The following CABIN1 variants were observed in gnomAD, a reference collection of about 807,000 sequenced individuals.
The protein encoded by CABIN1 is calcineurin binding protein 1, also known as calcineurin-binding protein cabin-1.
In CABIN1, 133 loss-of-function variants were observed where a neutral mutation model predicts 227.7. That is an observed-to-expected ratio of 0.58 (90% CI 0.51 to 0.67). The LOEUF (loss-of-function observed/expected upper bound fraction) is 0.67, where lower values mean the gene tolerates loss of function less well. Among genes scored for constraint, CABIN1 ranks in the 30% least tolerant of loss-of-function variants. The pLI, the probability that CABIN1 is intolerant of heterozygous loss-of-function variation, is 0.00. For synonymous variants in CABIN1, 1,086 were observed against 1,155.1 expected, an observed-to-expected ratio of 0.94 and a Z score of 1.21; for missense variants, 2,408 against 2,852.5, an observed-to-expected ratio of 0.84 and a Z score of 3.55.
intron 30 of CABIN1, among the ~76,000 whole-genome samples, chr22:24,165,082 G>A (rs1460549412): frequency 1.3e-5 from 2 of 152,218 alleles, no homozygotes; most frequent in African/African-American, 2.4e-5. Context: ...CAGCTCAGAT[G>A]TAGATGGGCC....
intron 33 of CABIN1, 41 bp from the exon 34 acceptor site, chr22:24,171,672 C>T: frequency 6.2e-7 from 1 of 1,612,498 alleles, no homozygotes; most frequent in Non-Finnish European, 8.5e-7. Flanking sequence ...GGGCTCAGGG[C>T]TGCCTAGCCA....
chr22:24,029,069 ACT>A (rs1489159385), intron 1 of CABIN1, among the ~76,000 whole-genome samples: 1 of 151,892 alleles, frequency 6.6e-6, no homozygotes, highest in East Asian at 1.9e-4. Context: ...ATATTTAAAA[ACT>A]CAAGGCCAGG....
chr22:24,175,857 A>C (rs997955380), intron 34 of CABIN1: 1 of 580,580 alleles, frequency 1.7e-6, no homozygotes, highest in African/African-American at 1.9e-5. Flanking sequence ...CCACTGGGTC[A>C]GGTGTATAGC....
chr22:24,043,111 C>T, intron 6 of CABIN1, 27 bp downstream of exon 6: 1 of 1,609,448 alleles, frequency 6.2e-7, no homozygotes, highest in Non-Finnish European at 8.5e-7. Flanking sequence ...TGCTTTCTTC[C>T]ATGTGCCAGT....
chr22:24,050,377 C>G (rs749026131), intron 7 of CABIN1, among the ~76,000 whole-genome samples: 1 of 152,136 alleles, frequency 6.6e-6, no homozygotes, highest in Non-Finnish European at 1.5e-5. Context: ...TGAGAGGACA[C>G]GTAGGGCCTC....
At chr22:24,094,773 C>T (rs1213974629) in intron 24 of CABIN1, among the ~76,000 whole-genome samples, 7 of 146,510 alleles carry the variant, frequency 4.8e-5, no homozygotes, top group Non-Finnish European at 1.0e-4. Flanking sequence ...GCCGAGATTG[C>T]GCCACTGCAG....
chr22:24,109,057 T>C (rs569635548), intron 26 of CABIN1, among the ~76,000 whole-genome samples: 151 of 152,274 alleles, frequency 9.9e-4, no homozygotes, highest in African/African-American at 3.4e-3. Context: ...AAGTGGGTGC[T>C]TATGTTATCA....
chr22:24,118,648 C>T (rs1288489312), intron 27 of CABIN1, among the ~76,000 whole-genome samples: 3 of 152,222 alleles, frequency 2.0e-5, no homozygotes, highest in African/African-American at 4.8e-5. Flanking sequence ...TTCCATCTGT[C>T]CCACCCTCCC....
chr22:24,143,832 C>G (rs1454276538), intron 29 of CABIN1, among the ~76,000 whole-genome samples: 2 of 152,188 alleles, frequency 1.3e-5, no homozygotes, highest in African/African-American at 2.4e-5. Context: ...CCCTCTGCCC[C>G]CTGGGCCATC....
At chr22:24,158,550 T>G (rs962763052) in intron 29 of CABIN1, among the ~76,000 whole-genome samples, 2 of 152,178 alleles carry the variant, frequency 1.3e-5, no homozygotes, top group Non-Finnish European at 2.9e-5. Context: ...GGATTAAAAT[T>G]ACCCACTTTC....
intron 8 of CABIN1, among the ~76,000 whole-genome samples, chr22:24,051,765 AC>A (rs2038354034): frequency 6.6e-6 from 1 of 152,034 alleles, no homozygotes; most frequent in African/African-American, 2.4e-5. Context: ...CTCCCTAGCA[AC>A]GGGGAGAGCA....
chr22:24,119,524 C>T lies in CABIN1; in HGVS notation c.4458C>T (p.Leu1486=). 1 of 1,613,968 alleles carries T rather than the reference C, an allele frequency of 6.2e-7. No individual in the cohort carries two copies. The highest frequency in any genetic ancestry group is 8.5e-7 in the Non-Finnish European group (1 of 1,180,032). ...TLWDGKKRGD[L]PGEPVAFPQG... is the part of the protein sequence containing the mutation. ...GGGATGGGAAGAAGAGAGGGGACCT[C>T]CCAGGGGAGCCAGTGGCCTTCCCCC... is the stretch of plus-strand genomic sequence containing the variant. The change falls in exon 28 of 37, where the codon CTC becomes CTT. Residue 1486 remains leucine, a synonymous_variant. Transcript: ENST00000263119.
At chr22:24,093,705 C>T (rs1481077483) in intron 24 of CABIN1, among the ~76,000 whole-genome samples, 2 of 151,544 alleles carry the variant, frequency 1.3e-5, no homozygotes, top group Non-Finnish European at 2.9e-5. Flanking sequence ...GATGAGACCC[C>T]CCCATCTCTA....
chr22:24,070,311 A>G (rs2039995813), intron 16 of CABIN1, among the ~76,000 whole-genome samples: 1 of 152,194 alleles, frequency 6.6e-6, no homozygotes. Context: ...AGGCTGATAG[A>G]GTGATGACTT....
chr22:24,056,622 C>G, intron 10 of CABIN1: 1 of 498,140 alleles, frequency 2.0e-6, no homozygotes, highest in Non-Finnish European at 3.6e-6. Flanking sequence ...ATACTCATGT[C>G]CCTGTGTATT....
chr22:24,087,232 G>A (rs1015450127), intron 22 of CABIN1, among the ~76,000 whole-genome samples: 1 of 152,292 alleles, frequency 6.6e-6, no homozygotes, highest in African/African-American at 2.4e-5. Flanking sequence ...TCTTGAGGTA[G>A]GTCTTCTTAG....
chr22:24,045,572 C>T (rs2037806229), intron 6 of CABIN1, among the ~76,000 whole-genome samples: 1 of 151,022 alleles, frequency 6.6e-6, no homozygotes, highest in East Asian at 1.9e-4. Flanking sequence ...TGTGCCACTG[C>T]ACTCCAGCCT....
intron 18 of CABIN1, among the ~76,000 whole-genome samples, chr22:24,075,068 G>A (rs2040344745): frequency 6.6e-6 from 1 of 152,124 alleles, no homozygotes; most frequent in African/African-American, 2.4e-5. Flanking sequence ...GCCAGGTGTG[G>A]TGGTGGCACC....
chr22:24,087,364 G>A lies in CABIN1; in HGVS notation c.3264-88G>A, dbSNP rs190614780. 3,356 of 1,549,802 alleles carry A rather than the reference G, an allele frequency of 2.2e-3. 72 individuals carry two copies. The South Asian group carries it at 0.031, about 14-fold the overall frequency. On this transcript the variant is annotated intron_variant, in intron 22 of 36. Coordinates refer to ENST00000263119, the MANE Select transcript of CABIN1 (RefSeq NM_012295.4). ...GGTGTGGGAAGGGAGTTTCCATGGG[G>A]TCCATCTGCCTGTCCACTAGGCTGT...
Sources: allele counts gnomAD v4.1 joint callset (sites outside exome capture counted in the v4.1 genomes callset), GRCh38; gene constraint gnomAD v4.1.1; transcripts MANE v1.5; gene names NCBI Gene and HGNC (gene_info 2026-07-23, HGNC 2026-07-21).